The following ROR1 variants were observed in gnomAD, a reference collection of about 807,000 sequenced individuals.
The protein encoded by ROR1 is ROR family WNT receptor 1, also known as inactive tyrosine-protein kinase transmembrane receptor ROR1.
Under a neutral mutation model 78.8 loss-of-function variants are expected in ROR1, and 19 were observed. That is an observed-to-expected ratio of 0.24 (90% CI 0.17 to 0.35). The LOEUF is 0.35. Among genes scored for constraint, ROR1 ranks in the 10% least tolerant of loss-of-function variants. ROR1 has a pLI of 1.00. For missense variants in ROR1, 917 were observed against 1,177.8 expected, an observed-to-expected ratio of 0.78 and a Z score of 3.24; for synonymous variants, 386 against 433.6, an observed-to-expected ratio of 0.89 and a Z score of 1.36.
intron 1 of ROR1, among the ~76,000 whole-genome samples, chr1:63,883,526 C>A (rs1247245318): frequency 1.3e-5 from 2 of 152,150 alleles, no homozygotes; most frequent in Non-Finnish European, 2.9e-5. Flanking sequence ...TACCTATAAC[C>A]TGGAGGACAA....
At chr1:64,050,750 A>G in intron 4 of ROR1, 34 bp downstream of exon 4, 1 of 1,608,560 alleles carries the variant, frequency 6.2e-7, no homozygotes, top group African/African-American at 1.3e-5. Context: ...TGTCATTTCT[A>G]AGTGTTTCTC....
intron 4 of ROR1, chr1:64,106,015 T>G (rs751678839): frequency 2.0e-5 from 3 of 152,200 alleles, no homozygotes; most frequent in Non-Finnish European, 4.4e-5. Flanking sequence ...GGTAGCTTGA[T>G]GAGGATAGCA....
intron 4 of ROR1, among the ~76,000 whole-genome samples, chr1:64,109,272 A>G (rs1647976876): frequency 6.6e-6 from 1 of 152,212 alleles, no homozygotes; most frequent in Non-Finnish European, 1.5e-5. Context: ...AACAGCTTAC[A>G]TTAAAGTTTA....
At position 64,039,149 on chromosome 1, in the gene ROR1, T is replaced by C. The variant is rs540939908; in HGVS notation, c.164-10542T>C. Among the ~76,000 whole-genome samples the C allele has an allele frequency of 1.7e-3, 254 of 152,318 alleles. 4 individuals are homozygous for C. The highest frequency in any genetic ancestry group is 8.4e-4 in the Non-Finnish European group (57 of 68,026). ...TTGAGTTGTGGTCAAGTCAGCAGAT[T>C]CTTTTAAATTTTGAAATACAGATCT... On this transcript the variant is annotated intron_variant, in intron 2 of 8. Coordinates refer to ENST00000371079, the MANE Select transcript of ROR1 (RefSeq NM_005012.4).
chr1:64,113,127 T>C (rs1019073617), intron 4 of ROR1, among the ~76,000 whole-genome samples: 4 of 152,196 alleles, frequency 2.6e-5, no homozygotes, highest in Admixed American at 6.5e-5. Context: ...CAGGTGCCCC[T>C]CAACCTGCAT....
At chr1:63,823,159 A>G (rs1415592227) in intron 1 of ROR1, among the ~76,000 whole-genome samples, 3 of 152,146 alleles carry the variant, frequency 2.0e-5, no homozygotes, top group African/African-American at 7.2e-5. Context: ...TTTGCAAGTT[A>G]CTGGTTTATA....
At chr1:64,097,183 A>AT (rs5774680) in intron 4 of ROR1, among the ~76,000 whole-genome samples, 75 of 150,722 alleles carry the variant, frequency 5.0e-4, no homozygotes, top group East Asian at 1.4e-3. Context: ...GGGAGAATCC[A>AT]TTTTTTTTTT....
chr1:64,179,851 T>C lies in ROR1; in HGVS notation c.*996T>C, dbSNP rs1569897254. The C allele has an allele frequency of 1.3e-5, 2 of 152,184 alleles. No homozygotes were observed. The highest frequency in any genetic ancestry group is 2.1e-4 in the South Asian group (1 of 4,828). 9.4% of individuals were successfully genotyped at this position (152,184 alleles called of 1,614,324 possible). A position where few individuals can be genotyped will look rare whatever the true frequency, so the allele number is the denominator to read the frequency against. On this transcript the variant is annotated 3_prime_UTR_variant, in exon 9 of 9. Coordinates refer to ENST00000371079, the MANE Select transcript of ROR1 (RefSeq NM_005012.4). ...GTTGTCCGAGGCATTGGAGTGCTTA[T>C]GGTCAATGGGCTCTAGGGAAGTAGG...
intron 1 of ROR1, among the ~76,000 whole-genome samples, chr1:63,888,036 C>A (rs1054321507): frequency 6.6e-6 from 1 of 152,036 alleles, no homozygotes; most frequent in Admixed American, 6.6e-5. Context: ...AAATCAGGAG[C>A]CTTTGTGTCC....
At chr1:64,042,314 A>T (rs1646751408) in intron 2 of ROR1, among the ~76,000 whole-genome samples, 2 of 152,136 alleles carry the variant, frequency 1.3e-5, no homozygotes, top group Admixed American at 1.3e-4. Flanking sequence ...CCAGAGATGG[A>T]TTAAATCCTT....
chr1:64,096,729 G>C (rs568275328), intron 4 of ROR1, among the ~76,000 whole-genome samples: 1 of 152,168 alleles, frequency 6.6e-6, no homozygotes, highest in East Asian at 1.9e-4. Context: ...CTTTATAATA[G>C]AATGATTTAT....
intron 1 of ROR1, among the ~76,000 whole-genome samples, chr1:63,967,151 C>T (rs1185476746): frequency 1.3e-5 from 2 of 152,090 alleles, no homozygotes; most frequent in Non-Finnish European, 2.9e-5. Context: ...ATAATAAGCA[C>T]TCAATAAATG....
chr1:64,061,039 T>G (rs1363488859), intron 4 of ROR1, among the ~76,000 whole-genome samples: 2 of 152,322 alleles, frequency 1.3e-5, no homozygotes, highest in South Asian at 4.1e-4. Context: ...TTCTGAGAGC[T>G]TGTTCACCAG....
chr1:64,166,673 G>A (rs1247830039), intron 8 of ROR1, among the ~76,000 whole-genome samples: 1 of 152,168 alleles, frequency 6.6e-6, no homozygotes, highest in Non-Finnish European at 1.5e-5. Flanking sequence ...CATTAACTGG[G>A]GTGAGGACAC....
intron 1 of ROR1, among the ~76,000 whole-genome samples, chr1:63,831,803 C>A (rs374854627): frequency 6.6e-6 from 1 of 152,242 alleles, no homozygotes; most frequent in Non-Finnish European, 1.5e-5. Flanking sequence ...ACAACATGGT[C>A]AGGCTACAGG....
chr1:64,024,416 G>C (rs552618502), intron 2 of ROR1, among the ~76,000 whole-genome samples: 1 of 152,274 alleles, frequency 6.6e-6, no homozygotes, highest in Non-Finnish European at 1.5e-5. Context: ...GGGAGACGGA[G>C]GTTGCAGTGA....
At chr1:64,025,468 A>G (rs941064029) in intron 2 of ROR1, among the ~76,000 whole-genome samples, 25 of 152,310 alleles carry the variant, frequency 1.6e-4, no homozygotes, top group Non-Finnish European at 2.8e-4. Context: ...AAAAGAAGTC[A>G]TTATACAAAA....
intron 1 of ROR1, among the ~76,000 whole-genome samples, chr1:63,817,588 T>C (rs749602339): frequency 2.0e-5 from 3 of 152,172 alleles, no homozygotes; most frequent in East Asian, 1.9e-4. Flanking sequence ...GGTACATAGA[T>C]TAAAGCACGA....
At chr1:63,817,671 G>A (rs541223314) in intron 1 of ROR1, among the ~76,000 whole-genome samples, 1 of 152,248 alleles carries the variant, frequency 6.6e-6, no homozygotes, top group African/African-American at 2.4e-5. Flanking sequence ...GAAGCACAAC[G>A]AGCTTTCTAA....
Sources: gnomAD v4.1 joint callset for allele counts (sites outside exome capture counted in the v4.1 genomes callset) on GRCh38, gnomAD v4.1.1 for gene constraint, MANE v1.5 for transcripts, NCBI Gene and HGNC (gene_info 2026-07-23, HGNC 2026-07-21) for gene names.